Variants in CD96 observed in about 807,000 individuals in gnomAD.
The protein encoded by CD96 is CD96 molecule.
Under a neutral mutation model 71.3 loss-of-function variants are expected in CD96, and 70 were observed. The observed-to-expected ratio is 0.98, with a 90% confidence interval of 0.81 to 1.20. CD96 has a LOEUF of 1.20. CD96 is among the 50% of genes most tolerant of loss of function. The pLI, the probability that CD96 is intolerant of heterozygous loss-of-function variation, is 0.00. For missense variants in CD96, 742 were observed against 677.5 expected, an observed-to-expected ratio of 1.10 and a Z score of -1.06; for synonymous variants, 248 against 233.0, an observed-to-expected ratio of 1.06 and a Z score of -0.59.
chr3:111,659,083 G>T (rs1940296831), intron 14 of CD96, among the ~76,000 whole-genome samples: 1 of 152,162 alleles, frequency 6.6e-6, no homozygotes. Flanking sequence ...GTCTATTCAA[G>T]ATTTCAATTG....
chr3:111,577,426 T>C (rs1936267723), intron 3 of CD96: 3 of 998,280 alleles, frequency 3.0e-6, no homozygotes, highest in Non-Finnish European at 4.9e-6. Context: ...CCCCACCCAA[T>C]ACTTAGAGCT....
chr3:111,627,890 C>G (rs151078338), intron 10 of CD96, among the ~76,000 whole-genome samples: 1 of 152,224 alleles, frequency 6.6e-6, no homozygotes, highest in Admixed American at 6.5e-5. Flanking sequence ...TGGGGTAGAC[C>G]CGTAGCAAAC....
intron 12 of CD96, among the ~76,000 whole-genome samples, chr3:111,640,303 G>T (rs564628583): frequency 6.6e-6 from 1 of 152,050 alleles, no homozygotes; most frequent in Non-Finnish European, 1.5e-5. Flanking sequence ...ACAATCAAAA[G>T]TTCAGGAAAC....
intron 2 of CD96, among the ~76,000 whole-genome samples, chr3:111,555,397 C>A (rs1934943083): frequency 6.6e-6 from 1 of 152,268 alleles, no homozygotes; most frequent in African/African-American, 2.4e-5. Context: ...TTTAGTATTT[C>A]GTGTAAGACA....
At chr3:111,619,893 T>G (rs564581300) in intron 8 of CD96, among the ~76,000 whole-genome samples, 2 of 152,386 alleles carry the variant, frequency 1.3e-5, no homozygotes, top group African/African-American at 4.8e-5. Context: ...GTTTGGTCAC[T>G]GTTCTCCTGC....
intron 2 of CD96, among the ~76,000 whole-genome samples, chr3:111,566,273 A>G (rs1190133502): frequency 6.6e-6 from 1 of 151,978 alleles, no homozygotes; most frequent in African/African-American, 2.4e-5. Flanking sequence ...AAGTAGCTGA[A>G]TGGTCAGAAG....
chr3:111,590,138 GT>G (rs1324128040), intron 5 of CD96, among the ~76,000 whole-genome samples: 1 of 152,180 alleles, frequency 6.6e-6, no homozygotes, highest in African/African-American at 2.4e-5. Flanking sequence ...AATACAGACT[GT>G]GGGATCTGAT....
In CD96 at chr3:111,585,611, C is replaced by G. The variant is rs546125675; in HGVS notation, c.807+233C>G. Among the ~76,000 whole-genome samples, 3 of 149,332 alleles carry G rather than the reference C, an allele frequency of 2.0e-5. No homozygotes were observed. The South Asian group carries it at 6.3e-4, about 31-fold the overall frequency. On this transcript the variant is annotated intron_variant, in intron 5 of 13. Coordinates refer to ENST00000352690, the MANE Select transcript of CD96 (RefSeq NM_005816.5). ...GTGCACTTTTAGTCCTTAAATTTCT[C>G]AGAAAAAAAAATAGTCACAATTTGT...
rs1462006397 is a variant in CD96, at chr3:111,624,387, G to C, written c.1304G>C (p.Gly435Ala). The change falls in exon 10 of 14, where the codon GGG (glycine) becomes GCG (alanine). Residue 435 changes from glycine to alanine, a missense_variant. Gly to Ala is a moderately conservative substitution (Grantham distance 60). Transcript: ENST00000352690. ...TTCAACTATCCCTGGACCTCCAGTG[G>C]GACAGATACCAAAAAATGTTAAGTA... ...RGFNYPWTSSGTDTKKSVSRI... is the reference protein window; with the variant it reads ...RGFNYPWTSSATDTKKSVSRI... 6.2e-7 allele frequency: 1 copy of C among 1,607,480 alleles called. No homozygotes were observed. The highest frequency in any genetic ancestry group is 1.7e-5 in the Admixed American group (1 of 60,006).
At chr3:111,620,120 C>A (rs1938447570) in intron 8 of CD96, among the ~76,000 whole-genome samples, 1 of 151,624 alleles carries the variant, frequency 6.6e-6, no homozygotes, top group Non-Finnish European at 1.5e-5. Context: ...CTCCCACCCT[C>A]CCTCCGCTGG....
chr3:111,578,438 A>C (rs2107581791), intron 3 of CD96, among the ~76,000 whole-genome samples: 1 of 152,354 alleles, frequency 6.6e-6, no homozygotes, highest in Non-Finnish European at 1.5e-5. Flanking sequence ...GACCAGAACA[A>C]GGCTGTGAAA....
intron 12 of CD96, 149 bp downstream of exon 12, chr3:111,638,317 C>T (rs1362914990): frequency 1.0e-5 from 7 of 697,750 alleles, no homozygotes; most frequent in East Asian, 5.4e-5. Context: ...TATTAGTGAT[C>T]GATCATGTGT....
rs751300303 is a variant in CD96, at chr3:111,542,307, A to C, written c.59A>C (p.Lys20Thr). Residue 20 changes from lysine (K) to threonine (T), a missense_variant and splice_region_variant, in exon 1 of 14, where the codon AAG becomes ACG. Lys to Thr is a moderately conservative substitution (Grantham distance 78, BLOSUM62 -1). Transcript: ENST00000352690. ...TACATCATCCAGATACATTTTGTCA[A>C]GGGTAAGACTTCCAGTTGTCCCTTC... Reference protein sequence around the residue: ...VYYIIQIHFVKGVWEKTVNTE... With the variant: ...VYYIIQIHFVTGVWEKTVNTE... 1 of 1,613,182 alleles carries C rather than the reference A, an allele frequency of 6.2e-7. No homozygotes were observed.
At chr3:111,553,168 TTTG>T (rs1934805723) in intron 2 of CD96, among the ~76,000 whole-genome samples, 1 of 146,592 alleles carries the variant, frequency 6.8e-6, no homozygotes, top group Non-Finnish European at 1.5e-5. Flanking sequence ...GATGTTATAT[TTTG>T]TTTTTTTTTT....
Position 111,578,116 on chromosome 3 carries a change from C to G in CD96, c.544-911C>G, listed in dbSNP as rs114874850. 2.6e-3 allele frequency among the ~76,000 whole-genome samples: 391 copies of G among 152,296 alleles called. 2 individuals are homozygous for G. Among genetic ancestry groups the G allele is most frequent in the African/African-American group, 9.1e-3 (378 of 41,550 alleles). ...AACTGAGAATGTTGAGTCATACTAA[C>G]AGGATATGAAGACCTAACCCATCCT... On this transcript the variant is annotated intron_variant, in intron 3 of 13. Coordinates refer to ENST00000352690, the MANE Select transcript of CD96 (RefSeq NM_005816.5).
chr3:111,561,528 AG>A (rs1935405022), intron 2 of CD96, among the ~76,000 whole-genome samples: 1 of 148,072 alleles, frequency 6.8e-6, no homozygotes, highest in Admixed American at 6.9e-5. Context: ...CTCGGGGGTC[AG>A]GGGTCAGGGA....
downstream of CD96, among the ~76,000 whole-genome samples, chr3:111,653,444 A>T (rs996076767): frequency 1.3e-5 from 2 of 152,374 alleles, no homozygotes; most frequent in African/African-American, 4.8e-5. Flanking sequence ...TTAAAAAAAT[A>T]GTATTTTCTA....
intron 5 of CD96, among the ~76,000 whole-genome samples, chr3:111,597,579 T>C: frequency 6.6e-6 from 1 of 152,212 alleles, no homozygotes; most frequent in East Asian, 1.9e-4. Context: ...ATCCTTAAGA[T>C]TAAGCCAATG....
chr3:111,636,392 C>A (rs73852849), intron 10 of CD96, among the ~76,000 whole-genome samples: 12,723 of 152,196 alleles, frequency 0.084, 824 homozygotes, highest in East Asian at 0.26. Flanking sequence ...CTATGAACAT[C>A]ATTTATGCTA....
Sources: allele counts gnomAD v4.1 joint callset (sites outside exome capture counted in the v4.1 genomes callset), GRCh38; gene constraint gnomAD v4.1.1; transcripts MANE v1.5; gene names NCBI Gene and HGNC (gene_info 2026-07-23, HGNC 2026-07-21).